The following DNAH8 variants were observed in gnomAD, a reference collection of about 807,000 sequenced individuals.
The protein encoded by DNAH8 is dynein axonemal heavy chain 8.
In DNAH8, 382 loss-of-function variants were observed where a neutral mutation model predicts 562.1. The ratio of observed to expected loss-of-function variants is 0.68; its 90% CI spans 0.63 to 0.74. The LOEUF is 0.74. Among genes scored for constraint, DNAH8 ranks in the 30% least tolerant of loss-of-function variants. The pLI, the probability that DNAH8 is intolerant of heterozygous loss-of-function variation, is 0.00. For synonymous variants in DNAH8, 1,881 were observed against 1,919.4 expected (o/e 0.98, Z 0.52); for missense variants, 5,203 against 5,620.4 (o/e 0.93, Z 2.37).
chr6:38,848,673 A>G lies in DNAH8; in HGVS notation c.5071A>G (p.Ile1691Val). Residue 1691 changes from isoleucine (I) to valine (V), a missense_variant, in exon 37 of 93, where the codon ATC becomes GTC. Coordinates refer to ENST00000327475, the MANE Select transcript of DNAH8 (RefSeq NM_001206927.2). Reference protein sequence around the residue: ...NRYNAPFKKNIQNWVYKLSTS... With the variant: ...NRYNAPFKKNVQNWVYKLSTS... ...ATACAATGCTCCATTTAAAAAAAAT[A>G]TCCAGAATTGGGTGTATAAATTGTC... The G allele has an allele frequency of 6.2e-7, 1 of 1,611,212 alleles. No homozygotes were observed. Among genetic ancestry groups the G allele is most frequent in the Non-Finnish European group, 8.5e-7 (1 of 1,177,868 alleles).
chr6:39,011,582 AC>A (rs1346376317), intron 89 of DNAH8, among the ~76,000 whole-genome samples: 1 of 152,206 alleles, frequency 6.6e-6, no homozygotes, highest in Non-Finnish European at 1.5e-5. Context: ...TGTTCCCACA[AC>A]CAGAGGCTTT....
At chr6:39,002,321 G>A (rs929523589) in intron 88 of DNAH8, among the ~76,000 whole-genome samples, 3 of 152,148 alleles carry the variant, frequency 2.0e-5, no homozygotes, top group Non-Finnish European at 4.4e-5. Context: ...GAGAGCTCAT[G>A]GAGTAATATG....
rs761948627 is a variant in DNAH8, at chr6:38,814,079, G to T, written c.3283G>T (p.Asp1095Tyr). Reference protein sequence around the residue: ...ASLYGRKQSEDIISFIKSEVH... With the variant: ...ASLYGRKQSEYIISFIKSEVH... ...CCTTTATGGGCGAAAGCAGTCAGAA[G>T]ATATTATTTCCTTTATAAAAAGTGA... Residue 1095 changes from aspartate to tyrosine, a missense_variant, in exon 25 of 93, where the codon GAT becomes TAT. Asp to Tyr is a radical substitution (Grantham distance 160). This residue lies in a region of DNAH8 where 2,176 missense variants were observed against 2,365.1 expected (regional missense o/e 0.92). Transcript: ENST00000327475. 7 of 1,593,700 alleles carry T rather than the reference G, an allele frequency of 4.4e-6. No homozygotes were observed. The highest frequency in any genetic ancestry group is 6.0e-6 in the Non-Finnish European group (7 of 1,162,934).
chr6:38,794,061 G>T (rs145225779), intron 21 of DNAH8, among the ~76,000 whole-genome samples: 52 of 152,324 alleles, frequency 3.4e-4, no homozygotes, highest in African/African-American at 1.2e-3. Context: ...TCAGAGGATA[G>T]AATTTCTAAA....
chr6:38,759,353 G>GA (rs1203778998), intron 10 of DNAH8, among the ~76,000 whole-genome samples: 3 of 151,534 alleles, frequency 2.0e-5, no homozygotes, highest in African/African-American at 4.9e-5. Flanking sequence ...CACCACCAAC[G>GA]AAAAAACCCA....
intron 53 of DNAH8, 121 bp downstream of exon 53, chr6:38,875,949 C>G: frequency 1.5e-6 from 1 of 683,044 alleles, no homozygotes; most frequent in Non-Finnish European, 2.4e-6. Flanking sequence ...TTGTTAATAC[C>G]ATTTTGAAAA....
At chr6:38,719,213 T>C (rs1762562756) in intron 1 of DNAH8, among the ~76,000 whole-genome samples, 1 of 152,226 alleles carries the variant, frequency 6.6e-6, no homozygotes, top group African/African-American at 2.4e-5. Flanking sequence ...TGAGCACTTG[T>C]GGCTTGAAGT....
rs1260848543 is a variant in DNAH8 at position 38,814,121 on chromosome 6, C to T, written c.3325C>T (p.Pro1109Ser). 6.6e-7 allele frequency: 1 copy of T among 1,510,056 alleles called. No homozygotes were observed. The highest frequency in any genetic ancestry group is 9.2e-7 in the Non-Finnish European group (1 of 1,087,160). The allele number at this position is 1,510,056 out of a possible 1,614,324, so 93.5% of individuals were successfully genotyped here. ...FIKSEVHLAI[P>S]NVVMIPSLDD... The stretch of plus-strand genomic sequence containing the variant: ...AAAAAGTGAAGTACATCTTGCAATT[C>T]CTAATGTGGTAAGTATTATTAAATA... Residue 1109 changes from proline to serine, a missense_variant, in exon 25 of 93, where the codon CCT becomes TCT. Around this residue, in one of 6 missense-constraint regions of DNAH8, gnomAD observed 2,176 missense variants for 2,365.1 expected, o/e 0.92. Coordinates refer to ENST00000327475, the MANE Select transcript of DNAH8 (RefSeq NM_001206927.2).
At chr6:38,753,861 A>G (rs574592452) in intron 9 of DNAH8, among the ~76,000 whole-genome samples, 3 of 152,296 alleles carry the variant, frequency 2.0e-5, no homozygotes, top group African/African-American at 7.2e-5. Context: ...GAAGGTTTCA[A>G]GCATCACCTT....
Position 38,881,557 on chromosome 6 carries a change from T to G in DNAH8, c.7859-1353T>G, listed in dbSNP as rs569036987. 3.5e-3 allele frequency among the ~76,000 whole-genome samples: 533 copies of G among 151,552 alleles called. 3 individuals carry two copies. Among genetic ancestry groups the G allele is most frequent in the African/African-American group, 0.013 (518 of 41,234 alleles). On this transcript the variant is annotated intron_variant, in intron 53 of 92. Transcript: ENST00000327475. ...AAATTTTTGAAATCAATGTTTTTTT[T>G]TTTTTTTTTTGAGACGGAGTTTCGC...
chr6:38,987,442 A>G (rs898808319), intron 87 of DNAH8, among the ~76,000 whole-genome samples: 5 of 152,160 alleles, frequency 3.3e-5, no homozygotes, highest in African/African-American at 7.2e-5. Context: ...TTCCTGATCT[A>G]AAAGCACAGG....
intron 33 of DNAH8, among the ~76,000 whole-genome samples, chr6:38,838,266 A>G (rs1391441643): frequency 6.6e-6 from 1 of 152,244 alleles, no homozygotes; most frequent in East Asian, 1.9e-4. Flanking sequence ...AATTTTGAGC[A>G]TGCATGGTCT....
intron 91 of DNAH8, among the ~76,000 whole-genome samples, chr6:39,020,636 G>T (rs1305392770): frequency 6.6e-6 from 1 of 152,070 alleles, no homozygotes; most frequent in Non-Finnish European, 1.5e-5. Flanking sequence ...TTTAAGCCCC[G>T]CATGCATCAG....
intron 82 of DNAH8, among the ~76,000 whole-genome samples, chr6:38,966,904 T>C (rs1390582779): frequency 6.6e-6 from 1 of 152,206 alleles, no homozygotes; most frequent in African/African-American, 2.4e-5. Context: ...TCCTATTTCA[T>C]AGATGACTTC....
At chr6:38,783,400 C>G (rs370745693) in intron 17 of DNAH8, among the ~76,000 whole-genome samples, 71 of 152,196 alleles carry the variant, frequency 4.7e-4, no homozygotes, top group African/African-American at 1.7e-3. Context: ...GTAAAAATAT[C>G]TTTAGGGATA....
intron 3 of DNAH8, among the ~76,000 whole-genome samples, chr6:38,727,919 T>C (rs1397588909): frequency 6.6e-6 from 1 of 152,172 alleles, no homozygotes; most frequent in Non-Finnish European, 1.5e-5. Context: ...AAAGCTGAGG[T>C]CCAATCCCAG....
Position 38,803,243 on chromosome 6 carries a change from G to A in DNAH8, c.2966G>A (p.Arg989Lys). 6.2e-7 allele frequency: 1 copy of A among 1,610,326 alleles called. No individual in the cohort carries two copies. The highest frequency in any genetic ancestry group is 1.1e-5 in the South Asian group (1 of 90,446). Reference sequence around the variant, plus strand: ...AGTAAGCATGTGGAAGAAGCTGTCAGAGAACTTATATCAATATTTGAGCAG... The same window carrying A: ...AGTAAGCATGTGGAAGAAGCTGTCAAAGAACTTATATCAATATTTGAGCAG... Reference protein sequence around the residue: ...HKSKHVEEAVRELISIFEQIY... With the variant: ...HKSKHVEEAVKELISIFEQIY... The change falls in exon 22 of 93, where the codon AGA (arginine) becomes AAA (lysine). Residue 989 changes from arginine to lysine, a missense_variant. Arg to Lys is a conservative substitution (Grantham distance 26). Around this residue, in one of 6 missense-constraint regions of DNAH8, gnomAD observed 2,176 missense variants for 2,365.1 expected, o/e 0.92. Transcript: ENST00000327475.
At position 38,860,576 on chromosome 6, in the gene DNAH8, A is replaced by C; in HGVS notation, c.6078A>C (p.Gln2026His). 2.0e-6 allele frequency: 3 copies of C among 1,537,966 alleles called. No individual in the cohort carries two copies. The highest frequency in any genetic ancestry group is 8.7e-7 in the Non-Finnish European group (1 of 1,151,940). The change falls in exon 43 of 93, where the codon CAA becomes CAC. Residue 2026 changes from glutamine (Q) to histidine (H), a missense_variant. Gln to His is a conservative substitution (Grantham distance 24, BLOSUM62 0). Coordinates refer to ENST00000327475, the MANE Select transcript of DNAH8 (RefSeq NM_001206927.2). ...VSITDVDFIYQNEFLGCTDRL... is the reference protein window; with the variant it reads ...VSITDVDFIYHNEFLGCTDRL... ...TTACAGATGTTGATTTTATTTACCA[A>C]AATGAATTTCTGGGATGTACTGATC...
chr6:38,778,451 C>G lies in DNAH8; in HGVS notation c.2026C>G (p.Gln676Glu). 6.3e-7 allele frequency: 1 copy of G among 1,591,932 alleles called. No homozygotes were observed. The highest frequency in any genetic ancestry group is 8.6e-7 in the Non-Finnish European group (1 of 1,162,018). ...GKILSSQQALQLLQRFQKLNI... is the reference protein window; with the variant it reads ...GKILSSQQALELLQRFQKLNI... ...AATCTTATCTTCTCAGCAGGCTCTTCAGCTACTTCAAAGGTATTCATAACA... is the reference window on the plus strand; with the variant it reads ...AATCTTATCTTCTCAGCAGGCTCTTGAGCTACTTCAAAGGTATTCATAACA... The change falls in exon 14 of 93, where the codon CAG (glutamine) becomes GAG (glutamate). Residue 676 changes from glutamine to glutamate, a missense_variant. Gln to Glu is a conservative substitution (Grantham distance 29). This residue lies in a region of DNAH8 where 2,176 missense variants were observed against 2,365.1 expected (regional missense o/e 0.92). Transcript: ENST00000327475.
Sources: allele counts gnomAD v4.1 joint callset (sites outside exome capture counted in the v4.1 genomes callset), GRCh38; gene constraint gnomAD v4.1.1; regional missense constraint gnomAD v4.1.1; transcripts MANE v1.5; gene names NCBI Gene and HGNC (gene_info 2026-07-23, HGNC 2026-07-21).